Variants in MRPS6 observed in about 807,000 individuals in gnomAD.
The protein encoded by MRPS6 is mitochondrial ribosomal protein S6, also known as small ribosomal subunit protein bS6m.
MRPS6 carries 6 observed loss-of-function variants against 13.1 expected under a neutral mutation model. That is an observed-to-expected ratio of 0.46 (90% CI 0.25 to 0.91). MRPS6 has a LOEUF of 0.91. Among genes scored for constraint, MRPS6 ranks in the 40% least tolerant of loss-of-function variants. MRPS6 has a pLI of 0.18. For missense variants in MRPS6, 164 were observed against 155.6 expected (o/e 1.05, Z -0.29); for synonymous variants, 61 against 56.5 (o/e 1.08, Z -0.36).
intron 1 of MRPS6, chr21:34,102,065 C>T (rs1010935717): frequency 3.0e-6 from 3 of 999,740 alleles, no homozygotes; most frequent in East Asian, 1.1e-4. Context: ...GGTAATCTTT[C>T]GATTGCTAGA....
intron 1 of MRPS6, among the ~76,000 whole-genome samples, chr21:34,113,966 A>G (rs1189467404): frequency 6.6e-6 from 1 of 152,174 alleles, no homozygotes; most frequent in Non-Finnish European, 1.5e-5. Flanking sequence ...TTGTGCATGA[A>G]GGCATGCAAT....
chr21:34,077,258 G>A (rs1989354653), intron 1 of MRPS6, among the ~76,000 whole-genome samples: 1 of 152,212 alleles, frequency 6.6e-6, no homozygotes, highest in Non-Finnish European at 1.5e-5. Flanking sequence ...ATAATGTAGA[G>A]GAGCTTAGGA....
intron 1 of MRPS6, among the ~76,000 whole-genome samples, chr21:34,074,529 GGTGACGGC>G (rs1417616128): frequency 1.3e-5 from 2 of 152,188 alleles, no homozygotes; most frequent in Non-Finnish European, 2.9e-5. Flanking sequence ...GCCCCTTTCA[GGTGACGGC>G]GTGGCCAAGG....
chr21:34,104,460 G>T, intron 1 of MRPS6: 1 of 999,340 alleles, frequency 1.0e-6, no homozygotes, highest in Non-Finnish European at 1.2e-6. Flanking sequence ...GTAATTCTCA[G>T]AATGGGAGAG....
intron 1 of MRPS6, among the ~76,000 whole-genome samples, chr21:34,118,781 C>T (rs932426301): frequency 3.3e-5 from 5 of 152,114 alleles, no homozygotes; most frequent in African/African-American, 1.2e-4. Context: ...TCCCAAAGTG[C>T]TGGGATTACA....
chr21:34,095,512 G>T, intron 1 of MRPS6: 1 of 1,613,914 alleles, frequency 6.2e-7, no homozygotes, highest in South Asian at 1.1e-5. Context: ...ATCCGGTCAG[G>T]GGTATATACC....
intron 1 of MRPS6, among the ~76,000 whole-genome samples, chr21:34,077,597 TTC>T (rs1485688193): frequency 1.3e-5 from 2 of 152,228 alleles, no homozygotes; most frequent in Admixed American, 6.5e-5. Flanking sequence ...TCATATGTTT[TTC>T]TAATAGGAAT....
intron 1 of MRPS6, among the ~76,000 whole-genome samples, chr21:34,080,115 T>C (rs1476687931): frequency 1.3e-5 from 2 of 152,204 alleles, no homozygotes; most frequent in African/African-American, 4.8e-5. Context: ...GGAGGATAGC[T>C]AATACCTGTA....
intron 1 of MRPS6, among the ~76,000 whole-genome samples, chr21:34,116,264 TCTCGAACTCCTGGG>T (rs1273922665): frequency 6.6e-6 from 1 of 151,128 alleles, no homozygotes; most frequent in Non-Finnish European, 1.5e-5. Context: ...CTCAGGCTGG[TCTCGAACTCCTGGG>T]CTCAAGCGAT....
chr21:34,110,345 T>A (rs2148664484), intron 1 of MRPS6, among the ~76,000 whole-genome samples: 1 of 152,188 alleles, frequency 6.6e-6, no homozygotes, highest in South Asian at 2.1e-4. Flanking sequence ...ACACCTGTAG[T>A]CCCAGCTACT....
In MRPS6 at chr21:34,103,315, T is replaced by TG. The variant is rs1979328899; in HGVS notation, c.46-22026_46-22025insG. ...ATTTTGTCGTAACTAGTGAAGGAAG[T>TG]AAAAAAAAAAAAAAAACATGCATTA... On this transcript the variant is annotated intron_variant, in intron 1 of 2. Transcript: ENST00000399312. 9.5e-6 allele frequency: 8 copies of TG among 841,864 alleles called. No individual in the cohort carries two copies. The Admixed American group carries it at 5.2e-4, about 55-fold the overall frequency. The allele number at this position is 841,864 out of a possible 1,614,324, so 52.1% of individuals were successfully genotyped here.
At chr21:34,083,338 T>TA (rs887235000) in intron 1 of MRPS6, among the ~76,000 whole-genome samples, 14 of 152,238 alleles carry the variant, frequency 9.2e-5, no homozygotes, top group African/African-American at 3.4e-4. Flanking sequence ...AAGTTCCAGA[T>TA]ATCTGCTCCC....
intron 1 of MRPS6, among the ~76,000 whole-genome samples, chr21:34,074,195 C>A (rs1055299075): frequency 2.7e-5 from 4 of 150,332 alleles, no homozygotes; most frequent in Non-Finnish European, 4.5e-5. Context: ...CGCTCCGCCG[C>A]CCGCCGGCTG....
intron 2 of MRPS6, chr21:34,135,471 C>G (rs1024749538): frequency 2.0e-6 from 1 of 494,092 alleles, no homozygotes; most frequent in African/African-American, 2.0e-5. Flanking sequence ...GCTCATCCTT[C>G]TTCTTGATGG....
At chr21:34,097,808 A>G (rs1027112035) in intron 1 of MRPS6, 4 of 999,534 alleles carry the variant, frequency 4.0e-6, no homozygotes, top group East Asian at 1.1e-4. Context: ...ACATTGTACA[A>G]TCAGTTATGT....
chr21:34,110,919 C>T (rs1481226682), intron 1 of MRPS6, among the ~76,000 whole-genome samples: 8 of 152,190 alleles, frequency 5.3e-5, no homozygotes, highest in African/African-American at 1.9e-4. Context: ...CACATCCTTA[C>T]GCTTAGGAAC....
chr21:34,102,308 A>G lies in MRPS6; in HGVS notation c.46-23033A>G, dbSNP rs191279650. 5,807 of 998,746 alleles carry G rather than the reference A, an allele frequency of 5.8e-3. 24 individuals carry two copies. The highest frequency in any genetic ancestry group is 9.4e-3 in the Middle Eastern group (18 of 1,912). The allele number at this position is 998,746 out of a possible 1,614,324, so 61.9% of individuals were successfully genotyped here. A position where few individuals can be genotyped will look rare whatever the true frequency, so the allele number is the denominator to read the frequency against. ...TTTTATTTAAACTTCTCTCTCTTCA[A>G]TGCTGAGAATAAGGCTTTAAATTAC... On this transcript the variant is annotated intron_variant, in intron 1 of 2. Transcript: ENST00000399312.
intron 1 of MRPS6, among the ~76,000 whole-genome samples, chr21:34,082,815 C>T (rs753164784): frequency 3.9e-5 from 6 of 152,066 alleles, no homozygotes; most frequent in South Asian, 2.1e-4. Flanking sequence ...GTTGTTCTTA[C>T]GTACGTTTTG....
At chr21:34,105,347 T>C in intron 1 of MRPS6, 1 of 999,830 alleles carries the variant, frequency 1.0e-6, no homozygotes, top group Non-Finnish European at 1.2e-6. Flanking sequence ...AAATAGTTGC[T>C]GTGCAAAAGT....
Sources: allele counts gnomAD v4.1 joint callset (sites outside exome capture counted in the v4.1 genomes callset), GRCh38; gene constraint gnomAD v4.1.1; transcripts MANE v1.5; gene names NCBI Gene and HGNC (gene_info 2026-07-23, HGNC 2026-07-21).